Variants in ZBTB37 observed in about 807,000 individuals in gnomAD.
ZBTB37 encodes zinc finger and BTB domain-containing protein 37.
In ZBTB37, 15 loss-of-function variants were observed where a neutral mutation model predicts 37.7. The observed-to-expected ratio is 0.40, with a 90% confidence interval of 0.27 to 0.61. The LOEUF is 0.61. ZBTB37 is among the 20% of genes least tolerant of loss of function. ZBTB37 has a pLI of 0.44. For missense variants in ZBTB37, 514 were observed against 641.9 expected (o/e 0.80, Z 2.15); for synonymous variants, 231 against 220.6 (o/e 1.05, Z -0.42).
intron 3 of ZBTB37, among the ~76,000 whole-genome samples, chr1:173,872,626 A>C (rs1655649924): frequency 6.6e-6 from 1 of 152,128 alleles, no homozygotes; most frequent in Admixed American, 6.5e-5. Context: ...CCAAAATCTC[A>C]CAAATCACCA....
At chr1:173,902,377 G>A (rs1269478392) in exon 4 of ZBTB37, 1 of 152,168 alleles carries the variant, frequency 6.6e-6, no homozygotes, top group Non-Finnish European at 1.5e-5. Context: ...TCCCTGAAAG[G>A]GAATGGAATA....
chr1:173,868,932 C>T (rs911492226), exon 2 of ZBTB37: 3 of 152,688 alleles, frequency 2.0e-5, no homozygotes, highest in African/African-American at 4.8e-5. Flanking sequence ...CAGCTCTCAC[C>T]CCTCCAGTGC....
intron 3 of ZBTB37, among the ~76,000 whole-genome samples, chr1:173,873,246 TTCTA>T (rs892692674): frequency 1.3e-5 from 2 of 152,238 alleles, no homozygotes; most frequent in East Asian, 1.9e-4. Flanking sequence ...AGCTCATATG[TTCTA>T]TCTGTTATGT....
chr1:173,893,827 G>A (rs1198076670), exon 4 of ZBTB37: 1 of 152,244 alleles, frequency 6.6e-6, no homozygotes, highest in Non-Finnish European at 1.5e-5. Context: ...TAACACTAGA[G>A]TTGCCTCTAG....
chr1:173,869,939 A>G (rs1011257914), intron 2 of ZBTB37, among the ~76,000 whole-genome samples: 1 of 152,324 alleles, frequency 6.6e-6, no homozygotes, highest in African/African-American at 2.4e-5. Flanking sequence ...ATAACTTATT[A>G]GTAAGGAAAG....
At chr1:173,886,164 G>A in exon 5 of ZBTB37, 1 of 1,513,332 alleles carries the variant, frequency 6.6e-7, no homozygotes, top group South Asian at 1.3e-5. Flanking sequence ...TCCCCTATGA[G>A]CCATAAGCAG....
At chr1:173,874,437 A>G (rs1655789103) in intron 4 of ZBTB37, among the ~76,000 whole-genome samples, 1 of 148,050 alleles carries the variant, frequency 6.8e-6, no homozygotes, top group Admixed American at 6.8e-5. Flanking sequence ...TGCAAGCTCC[A>G]CCTCCCGGGT....
At chr1:173,876,833 T>G (rs1455587618) in intron 4 of ZBTB37, among the ~76,000 whole-genome samples, 1 of 152,208 alleles carries the variant, frequency 6.6e-6, no homozygotes, top group Non-Finnish European at 1.5e-5. Context: ...TATAGGCGTG[T>G]GTCACTAATT....
At chr1:173,870,940 G>A (rs1490891813) in exon 3 of ZBTB37, 2 of 1,614,252 alleles carry the variant, frequency 1.2e-6, no homozygotes, top group South Asian at 1.1e-5. Flanking sequence ...TGAAGTTAGA[G>A]TTCTTGGAGC....
exon 4 of ZBTB37, chr1:173,900,637 G>A (rs1253576811): frequency 6.6e-6 from 1 of 152,244 alleles, no homozygotes; most frequent in Non-Finnish European, 1.5e-5. Flanking sequence ...TTCAGTAGGT[G>A]ATATGTGCAA....
At chr1:173,883,321 A>C (rs1656438145) in intron 4 of ZBTB37, among the ~76,000 whole-genome samples, 1 of 152,172 alleles carries the variant, frequency 6.6e-6, no homozygotes, top group Non-Finnish European at 1.5e-5. Context: ...TCTACTGAAA[A>C]TACAAAAAAT....
At chr1:173,870,743 A>G (rs898233577) in exon 3 of ZBTB37, 1 of 1,614,230 alleles carries the variant, frequency 6.2e-7, no homozygotes, top group Non-Finnish European at 8.5e-7. Flanking sequence ...CCAAAGGGAA[A>G]CCGGCGAGGT....
chr1:173,900,256 G>A (rs192225805), exon 4 of ZBTB37: 3 of 152,288 alleles, frequency 2.0e-5, no homozygotes, highest in Admixed American at 1.3e-4. Context: ...TAAGGCTTAA[G>A]TATTTCTGAA....
intron 4 of ZBTB37, among the ~76,000 whole-genome samples, chr1:173,882,040 G>C (rs11489771): frequency 0.2 from 29,599 of 150,568 alleles, 3,922 homozygotes; most frequent in African/African-American, 0.37. Context: ...GGTGACAGAG[G>C]AAGACTCTGT....
At chr1:173,887,353 G>A (rs559204939), downstream of ZBTB37, 2 of 152,218 alleles carry the variant, frequency 1.3e-5, no homozygotes, top group East Asian at 1.9e-4. Flanking sequence ...AACCATAGCT[G>A]GTGACTCCAA....
exon 4 of ZBTB37, chr1:173,901,142 A>G (rs1657242824): frequency 6.6e-6 from 1 of 152,092 alleles, no homozygotes; most frequent in African/African-American, 2.4e-5. Flanking sequence ...TTAAACCTCT[A>G]GGAAATCCTT....
At chr1:173,882,678 C>T (rs1301432658) in intron 4 of ZBTB37, among the ~76,000 whole-genome samples, 6 of 152,102 alleles carry the variant, frequency 3.9e-5, no homozygotes, top group African/African-American at 1.2e-4. Context: ...AATGGTATTG[C>T]CTAGGTTTTC....
exon 2 of ZBTB37, chr1:173,869,048 A>T (rs895225611): frequency 1.3e-5 from 2 of 152,628 alleles, no homozygotes; most frequent in African/African-American, 4.8e-5. Context: ...ACACATCTGA[A>T]TTCATGATGG....
At chr1:173,902,504 C>G (rs534817676) in exon 4 of ZBTB37, 1 of 152,196 alleles carries the variant, frequency 6.6e-6, no homozygotes, top group Non-Finnish European at 1.5e-5. Flanking sequence ...AAAGATGCCT[C>G]GGGAAAGTCA....
Sources: allele counts gnomAD v4.1 joint callset (sites outside exome capture counted in the v4.1 genomes callset), GRCh38; gene constraint gnomAD v4.1.1; transcripts MANE v1.5; gene names NCBI Gene and HGNC (gene_info 2026-07-23, HGNC 2026-07-21).